The following NEXMIF variants were observed in gnomAD, a reference collection of about 807,000 sequenced individuals.
The protein encoded by NEXMIF is neurite extension and migration factor.
In NEXMIF, 8 loss-of-function variants were observed where a neutral mutation model predicts 62.1. The observed-to-expected ratio is 0.13, with a 90% CI of 0.08 to 0.23. NEXMIF has a LOEUF of 0.23. Ranked by LOEUF, NEXMIF falls within the 10% of genes least tolerant of loss-of-function variation. NEXMIF has a pLI of 1.00. For missense variants in NEXMIF, 976 were observed against 1,113.3 expected, an observed-to-expected ratio of 0.88 and a Z score of 1.75; for synonymous variants, 404 against 416.6, an observed-to-expected ratio of 0.97 and a Z score of 0.37.
intron 1 of NEXMIF, among the ~76,000 whole-genome samples, chrX:74,883,235 A>G (rs890156195): frequency 8.9e-6 from 1 of 112,008 alleles, no homozygotes; most frequent in Non-Finnish European, 1.9e-5. Flanking sequence ...TAAAAATCAG[A>G]GTGCCTCTCC....
intron 1 of NEXMIF, among the ~76,000 whole-genome samples, chrX:74,883,530 G>C (rs1480217003): frequency 2.7e-5 from 3 of 112,029 alleles, no homozygotes; most frequent in African/African-American, 9.8e-5. Flanking sequence ...GCAATCAACT[G>C]AAAGAAAGGG....
chrX:74,752,652 G>T (rs1256359627), intron 1 of NEXMIF, among the ~76,000 whole-genome samples: 1 of 111,341 alleles, frequency 9.0e-6, no homozygotes, highest in Admixed American at 9.6e-5. Flanking sequence ...TGGAATTAGG[G>T]GTAGAAAGAA....
rs746021430 is a variant in NEXMIF at position 74,877,019 on chromosome X, T to A, written c.-48+47864A>T. Among the ~76,000 whole-genome samples the A allele has an allele frequency of 1.1e-4, 12 of 111,927 alleles. No homozygotes were observed. The South Asian group carries it at 4.5e-3, about 42-fold the overall frequency. On this transcript the variant is annotated intron_variant, in intron 1 of 3. Coordinates refer to ENST00000055682, the MANE Select transcript of NEXMIF (RefSeq NM_001008537.3). The stretch of plus-strand genomic sequence containing the variant: ...TAAAGTTAATATTGTTATGTGTGAA[T>A]TTGATCCTGTCTTTACGATGTTAGC...
intron 1 of NEXMIF, among the ~76,000 whole-genome samples, chrX:74,762,742 G>T (rs923162389): frequency 1.3e-4 from 15 of 111,924 alleles, no homozygotes; most frequent in Non-Finnish European, 1.1e-4. Flanking sequence ...TCATGTGTCT[G>T]TTGGCTGCAT....
At chrX:74,905,030 C>T (rs538583482) in intron 1 of NEXMIF, among the ~76,000 whole-genome samples, 28 of 111,233 alleles carry the variant, frequency 2.5e-4, no homozygotes, top group Middle Eastern at 4.6e-3. Flanking sequence ...TTGGATTTTC[C>T]AACTTTCCTG....
At chrX:74,884,608 T>C (rs867158562) in intron 1 of NEXMIF, among the ~76,000 whole-genome samples, 30 of 111,984 alleles carry the variant, frequency 2.7e-4, no homozygotes, top group African/African-American at 9.1e-4. Flanking sequence ...ATCCTAAATA[T>C]ATATGCGCAC....
chrX:74,836,516 G>A (rs1026233917), intron 1 of NEXMIF, among the ~76,000 whole-genome samples: 2 of 111,157 alleles, frequency 1.8e-5, no homozygotes, highest in African/African-American at 6.5e-5. Context: ...AATCCTGCCA[G>A]GAGTGAGTCC....
At chrX:74,791,738 C>T (rs1485943708) in intron 1 of NEXMIF, among the ~76,000 whole-genome samples, 1 of 110,025 alleles carries the variant, frequency 9.1e-6, no homozygotes, top group Non-Finnish European at 1.9e-5. Context: ...TTATCCATTT[C>T]TTCTAGATTT....
chrX:74,851,632 C>A (rs2080513973), intron 1 of NEXMIF, among the ~76,000 whole-genome samples: 1 of 110,450 alleles, frequency 9.1e-6, no homozygotes, highest in Non-Finnish European at 1.9e-5. Flanking sequence ...CTATACCCAG[C>A]AAAGTTAACA....
intron 1 of NEXMIF, among the ~76,000 whole-genome samples, chrX:74,857,836 C>A (rs1216203039): frequency 3.6e-5 from 4 of 111,685 alleles, no homozygotes; most frequent in Admixed American, 1.9e-4. Context: ...GATTGAAGAG[C>A]CCTTGGGCTT....
At chrX:74,907,803 C>T (rs374578494) in intron 1 of NEXMIF, among the ~76,000 whole-genome samples, 1 of 111,477 alleles carries the variant, frequency 9.0e-6, no homozygotes, top group Non-Finnish European at 1.9e-5. Context: ...TCAAAAAACA[C>T]CAGTATATGA....
chrX:74,887,861 G>A (rs1486366570), intron 1 of NEXMIF, among the ~76,000 whole-genome samples: 1 of 111,856 alleles, frequency 8.9e-6, no homozygotes, highest in Non-Finnish European at 1.9e-5. Context: ...GTTTATTGCG[G>A]CACTATTCAC....
At chrX:74,831,732 T>G (rs2080438121) in intron 1 of NEXMIF, among the ~76,000 whole-genome samples, 1 of 112,129 alleles carries the variant, frequency 8.9e-6, no homozygotes, top group South Asian at 3.7e-4. Flanking sequence ...ATCCCATTCA[T>G]TATAATACTA....
chrX:74,804,673 G>A (rs1193710334), intron 1 of NEXMIF, among the ~76,000 whole-genome samples: 1 of 111,694 alleles, frequency 9.0e-6, no homozygotes, highest in Non-Finnish European at 1.9e-5. Flanking sequence ...TCAAGTGGAC[G>A]GAATGGGTCT....
At chrX:74,857,148 G>T (rs1301308354) in intron 1 of NEXMIF, among the ~76,000 whole-genome samples, 2 of 111,930 alleles carry the variant, frequency 1.8e-5, no homozygotes, top group South Asian at 7.4e-4. Flanking sequence ...AGAGCTAGTG[G>T]GCTTGGAGGG....
intron 1 of NEXMIF, among the ~76,000 whole-genome samples, chrX:74,878,768 AC>A (rs2080649978): frequency 9.0e-6 from 1 of 111,679 alleles, no homozygotes; most frequent in Admixed American, 9.4e-5. Flanking sequence ...GCCGTCTGTC[AC>A]CCCTTTCTTT....
intron 1 of NEXMIF, among the ~76,000 whole-genome samples, chrX:74,842,257 T>C (rs1602247109): frequency 8.9e-6 from 1 of 111,835 alleles, no homozygotes; most frequent in African/African-American, 3.2e-5. Flanking sequence ...TTTTCTAGTT[T>C]GTGTGCACAG....
chrX:74,779,566 A>G (rs1186656216), intron 1 of NEXMIF, among the ~76,000 whole-genome samples: 1 of 110,998 alleles, frequency 9.0e-6, no homozygotes, highest in Non-Finnish European at 1.9e-5. Context: ...CATGCACAAC[A>G]CCTGACATGT....
intron 1 of NEXMIF, among the ~76,000 whole-genome samples, chrX:74,796,220 T>TAC (rs1256158218): frequency 1.5e-5 from 1 of 65,759 alleles, no homozygotes; most frequent in Non-Finnish European, 2.6e-5. Context: ...TATATATATA[T>TAC]ACATATATAA....
Sources: gnomAD v4.1 joint callset for allele counts (sites outside exome capture counted in the v4.1 genomes callset) on GRCh38, gnomAD v4.1.1 for gene constraint, MANE v1.5 for transcripts, NCBI Gene and HGNC (gene_info 2026-07-23, HGNC 2026-07-21) for gene names.